The following ZNF274 variants were observed in gnomAD, a reference collection of about 807,000 sequenced individuals.
The protein encoded by ZNF274 is neurotrophin receptor-interacting factor homolog.
Under a neutral mutation model 42.5 loss-of-function variants are expected in ZNF274, and 23 were observed. That is an observed-to-expected ratio of 0.54 (90% CI 0.39 to 0.77). The LOEUF (loss-of-function observed/expected upper bound fraction) is 0.77. ZNF274 is among the 30% of genes least tolerant of loss of function. ZNF274 has a pLI of 0.00. For missense variants in ZNF274, 679 were observed against 806.5 expected (o/e 0.84, Z 1.91); for synonymous variants, 292 against 305.4 (o/e 0.96, Z 0.46).
Position 58,212,309 on chromosome 19 carries a change from G to A in ZNF274, c.1128G>A (p.Gln376=). The A allele has an allele frequency of 2.5e-6, 4 of 1,613,972 alleles. No homozygotes were observed. The highest frequency in any genetic ancestry group is 3.4e-6 in the Non-Finnish European group (4 of 1,179,896). Residue 376 remains glutamine, a synonymous_variant, in exon 8 of 8, where the codon CAG becomes CAA. Transcript: ENST00000617501. This position sits in a 1 kb window ranked among gnomAD's most constrained non-coding sequence, Gnocchi z 4.6. ...TLEDTLQGGV[Q]EVQDTVLKQM... The stretch of plus-strand genomic sequence containing the variant: ...AAGATACCTTGCAGGGTGGGGTCCA[G>A]GAAGTCCAAGACACAGTGTTGAAGC...
At chr19:58,192,438 GTGAT>G (rs2075788762) in intron 4 of ZNF274, among the ~76,000 whole-genome samples, 3 of 152,318 alleles carry the variant, frequency 2.0e-5, no homozygotes, top group Admixed American at 6.5e-5. Flanking sequence ...ACCTAGGTGA[GTGAT>G]TGAGAGGGAT....
intron 4 of ZNF274, among the ~76,000 whole-genome samples, chr19:58,193,282 G>A (rs2075799707): frequency 6.6e-6 from 1 of 151,618 alleles, no homozygotes; most frequent in Admixed American, 6.6e-5. Context: ...GAGTAGCTGG[G>A]ACTACAGGCG....
Position 58,212,422 on chromosome 19 carries a change from C to G in ZNF274, c.1241C>G (p.Thr414Arg), listed in dbSNP as rs757917259. Residue 414 changes from threonine (T) to arginine (R), a missense_variant, in exon 8 of 8, where the codon ACA becomes AGA. Thr to Arg is a moderately conservative substitution (Grantham distance 71). Transcript: ENST00000617501. This position sits in a 1 kb window ranked among gnomAD's most constrained non-coding sequence, Gnocchi z 4.6. ...CAGGCAAACAGTGGTGCTCTTGACA[C>G]AAACCAAGTTTCGCTCCAGAAAATT... ...ESQANSGALD[T>R]NQVSLQKIDN... is the part of the protein sequence containing the mutation. The G allele has an allele frequency of 6.2e-7, 1 of 1,612,840 alleles. No homozygotes were observed. Among genetic ancestry groups the G allele is most frequent in the Non-Finnish European group, 8.5e-7 (1 of 1,179,322 alleles).
intron 4 of ZNF274, among the ~76,000 whole-genome samples, chr19:58,194,204 TATG>T (rs977702288): frequency 2.6e-5 from 4 of 151,896 alleles, no homozygotes; most frequent in Non-Finnish European, 5.9e-5. Context: ...GTTTCAAAAA[TATG>T]TGTGTGTGTG....
At chr19:58,206,241 A>G (rs769640007) in intron 4 of ZNF274, among the ~76,000 whole-genome samples, 1 of 152,184 alleles carries the variant, frequency 6.6e-6, no homozygotes, top group African/African-American at 2.4e-5. Flanking sequence ...GTTGTAGCAT[A>G]TATTAGTAGT....
Position 58,212,407 on chromosome 19 carries a change from G to A in ZNF274, c.1226G>A (p.Ser409Asn). Residue 409 changes from serine (S) to asparagine (N), a missense_variant, in exon 8 of 8, where the codon AGT becomes AAT. This residue lies in a region of ZNF274 where 456 missense variants were observed against 590.1 expected (regional missense o/e 0.77). Transcript: ENST00000617501. The surrounding 1 kb of genome is among the most constrained non-coding windows in gnomAD (Gnocchi z 4.6). ...HFDNRESQAN[S>N]GALDTNQVSL... ...GACAACCGTGAGTCCCAGGCAAACA[G>A]TGGTGCTCTTGACACAAACCAAGTT... The A allele has an allele frequency of 6.2e-7, 1 of 1,613,104 alleles. No individual in the cohort carries two copies. Among genetic ancestry groups the A allele is most frequent in the Non-Finnish European group, 8.5e-7 (1 of 1,179,470 alleles).
intron 4 of ZNF274, among the ~76,000 whole-genome samples, chr19:58,203,020 C>T (rs2075932595): frequency 6.6e-6 from 1 of 152,110 alleles, no homozygotes; most frequent in Non-Finnish European, 1.5e-5. Flanking sequence ...CAGTTGTTTT[C>T]CTAGGGGCCA....
At chr19:58,195,260 T>C (rs2075828635) in intron 4 of ZNF274, among the ~76,000 whole-genome samples, 3 of 151,818 alleles carry the variant, frequency 2.0e-5, no homozygotes, top group South Asian at 4.1e-4. Context: ...TACACACTAA[T>C]AGTATGGATA....
intron 4 of ZNF274, among the ~76,000 whole-genome samples, chr19:58,187,802 T>C (rs997080353): frequency 6.6e-6 from 1 of 152,180 alleles, no homozygotes; most frequent in Non-Finnish European, 1.5e-5. Flanking sequence ...CTCAGCTCCC[T>C]GCAACCTCCG....
rs76556997 is a variant in ZNF274 at position 58,189,258 on chromosome 19, G to A, written c.256+2216G>A. 6.7e-3 allele frequency among the ~76,000 whole-genome samples: 1,014 copies of A among 152,020 alleles called. 12 individuals are homozygous for A. The highest frequency in any genetic ancestry group is 0.023 in the African/African-American group (954 of 41,456). On this transcript the variant is annotated intron_variant, in intron 4 of 7. Transcript: ENST00000617501. ...ATAATTTCTTTTTCTTTTCAAATAT[G>A]TCTTTGTTTCTGTTTTAGATTCTGT... is the stretch of plus-strand genomic sequence containing the variant.
Position 58,212,268 on chromosome 19 carries a change from T to C in ZNF274, c.1087T>C (p.Leu363=). The change falls in exon 8 of 8, where the codon TTG becomes CTG. Residue 363 remains leucine, a synonymous_variant. Coordinates refer to ENST00000617501, the MANE Select transcript of ZNF274 (RefSeq NM_133502.3). The surrounding 1 kb of genome is among the most constrained non-coding windows in gnomAD (Gnocchi z 4.6). ...ACAAGAATCCTCAAGGGATTGTGCC[T>C]TGTCCTCTACATTAGAAGATACCTT... ...KVQESSRDCA[L]SSTLEDTLQG... 1 of 1,613,974 alleles carries C rather than the reference T, an allele frequency of 6.2e-7. No homozygotes were observed. The highest frequency in any genetic ancestry group is 8.5e-7 in the Non-Finnish European group (1 of 1,179,894).
chr19:58,185,987 C>G (rs955545330), intron 3 of ZNF274, 149 bp downstream of exon 3: 1 of 563,170 alleles, frequency 1.8e-6, no homozygotes, highest in Non-Finnish European at 2.8e-6. Flanking sequence ...ATTGCCTAGT[C>G]CATCCCTCCC....
intron 5 of ZNF274, chr19:58,209,737 C>T (rs1015302620): frequency 6.5e-6 from 3 of 464,780 alleles, no homozygotes; most frequent in Non-Finnish European, 1.2e-5. Flanking sequence ...TGCCCTGTGA[C>T]CCTTGGAGGG....
In ZNF274 at chr19:58,207,239, G is replaced by A. The variant is rs774112565; in HGVS notation, c.739+37G>A. On this transcript the variant is annotated intron_variant, in intron 5 of 7. Coordinates refer to ENST00000617501, the MANE Select transcript of ZNF274 (RefSeq NM_133502.3). The surrounding 1 kb of genome is among the most constrained non-coding windows in gnomAD (Gnocchi z 5.6). ...GGTGGGTAGAGGGACAGCTTAATGA[G>A]GGTGTCTTGGAGTACCCTGTGGGGG... 4 of 1,571,712 alleles carry A rather than the reference G, an allele frequency of 2.5e-6. No homozygotes were observed. The African/African-American group carries it at 5.4e-5, about 21-fold the overall frequency.
At chr19:58,204,612 T>C (rs1054838929) in intron 4 of ZNF274, among the ~76,000 whole-genome samples, 9 of 152,202 alleles carry the variant, frequency 5.9e-5, no homozygotes, top group African/African-American at 2.2e-4. Context: ...CTGCAGCTAT[T>C]GCACACTAGT....
At chr19:58,196,526 C>T (rs1763264853) in intron 4 of ZNF274, among the ~76,000 whole-genome samples, 1 of 150,784 alleles carries the variant, frequency 6.6e-6, no homozygotes, top group African/African-American at 2.4e-5. Flanking sequence ...CCTGCCACTG[C>T]AGAAAAAAAA....
chr19:58,211,624 C>G lies in ZNF274; in HGVS notation c.917C>G (p.Pro306Arg). 1.9e-6 allele frequency: 3 copies of G among 1,613,546 alleles called. No homozygotes were observed. Among genetic ancestry groups the G allele is most frequent in the Non-Finnish European group, 2.5e-6 (3 of 1,179,690 alleles). The change falls in exon 7 of 8, where the codon CCG becomes CGG. Residue 306 changes from proline (P) to arginine (R), a missense_variant. By Grantham distance (103) the Pro-to-Arg change is moderately radical. This residue lies in a region of ZNF274 where 456 missense variants were observed against 590.1 expected (regional missense o/e 0.77). Transcript: ENST00000617501. This position sits in a 1 kb window ranked among gnomAD's most constrained non-coding sequence, Gnocchi z 4.8. ...FSREEWGLLG[P>R]TQRTEYRDVM... Reference sequence around the variant, plus strand: ...CGGGAGGAGTGGGGGCTGCTGGGCCCGACACAGAGGACCGAGTACCGCGAT... The same window carrying G: ...CGGGAGGAGTGGGGGCTGCTGGGCCGGACACAGAGGACCGAGTACCGCGAT...
At chr19:58,196,116 C>T (rs2075839046) in intron 4 of ZNF274, among the ~76,000 whole-genome samples, 1 of 152,138 alleles carries the variant, frequency 6.6e-6, no homozygotes, top group African/African-American at 2.4e-5. Flanking sequence ...CCTTCAAGAA[C>T]CATTGCCATA....
At chr19:58,187,571 A>G (rs1359708096) in intron 4 of ZNF274, among the ~76,000 whole-genome samples, 1 of 151,854 alleles carries the variant, frequency 6.6e-6, no homozygotes, top group Non-Finnish European at 1.5e-5. Flanking sequence ...ATAGGCATGT[A>G]CCACCATGCC....
Sources: allele counts gnomAD v4.1 joint callset (sites outside exome capture counted in the v4.1 genomes callset), GRCh38; gene constraint gnomAD v4.1.1; regional missense constraint gnomAD v4.1.1; non-coding constraint Gnocchi (gnomAD v3.1); transcripts MANE v1.5; gene names NCBI Gene and HGNC (gene_info 2026-07-23, HGNC 2026-07-21).